Variants in SEC24B observed in about 807,000 individuals in gnomAD.
The protein encoded by SEC24B is protein transport protein Sec24B.
Under a neutral mutation model 142.8 loss-of-function variants are expected in SEC24B, and 45 were observed. The observed-to-expected ratio is 0.32, with a 90% CI of 0.25 to 0.40. The LOEUF is 0.40. Among genes scored for constraint, SEC24B ranks in the 10% least tolerant of loss-of-function variants. The pLI is 1.00. For missense variants in SEC24B, 1,409 were observed against 1,526.8 expected (o/e 0.92, Z 1.29); for synonymous variants, 574 against 568.2 (o/e 1.01, Z -0.15).
intron 2 of SEC24B, among the ~76,000 whole-genome samples, chr4:109,468,067 G>A (rs947481949): frequency 1.3e-5 from 2 of 152,114 alleles, no homozygotes; most frequent in Admixed American, 6.6e-5. Flanking sequence ...AAAAGCAAAA[G>A]CAAATACCTT....
intron 18 of SEC24B, among the ~76,000 whole-genome samples, chr4:109,528,023 A>G (rs1013574529): frequency 5.3e-5 from 8 of 152,314 alleles, no homozygotes; most frequent in Admixed American, 5.2e-4. Flanking sequence ...TGCAGCAATA[A>G]AAAGGAATGA....
intron 5 of SEC24B, 119 bp from the exon 6 acceptor site, chr4:109,494,496 A>G (rs1051708616): frequency 2.3e-6 from 3 of 1,314,434 alleles, no homozygotes; most frequent in African/African-American, 1.5e-5. Flanking sequence ...AAAATTTCTT[A>G]GAATAAAAAG....
At chr4:109,521,835 G>A (rs978321080) in intron 14 of SEC24B, among the ~76,000 whole-genome samples, 1 of 151,228 alleles carries the variant, frequency 6.6e-6, no homozygotes, top group African/African-American at 2.4e-5. Flanking sequence ...AGGTTCAAGC[G>A]ATTCTCCTGC....
intron 10 of SEC24B, 105 bp from the exon 11 acceptor site, chr4:109,516,423 A>AT (rs1378056673): frequency 2.4e-5 from 15 of 637,738 alleles, no homozygotes; most frequent in Non-Finnish European, 3.7e-5. Flanking sequence ...CTATTTGTGT[A>AT]TTTTTTGTGT....
chr4:109,527,678 A>G (rs958203197), intron 18 of SEC24B, among the ~76,000 whole-genome samples: 1 of 152,042 alleles, frequency 6.6e-6, no homozygotes, highest in African/African-American at 2.4e-5. Flanking sequence ...AGACTGAGAC[A>G]GGAGAATTGC....
At chr4:109,464,220 C>T (rs1438584663) in intron 2 of SEC24B, among the ~76,000 whole-genome samples, 2 of 151,902 alleles carry the variant, frequency 1.3e-5, no homozygotes, top group African/African-American at 4.8e-5. Flanking sequence ...GTATTCAGCC[C>T]TTCTGACCTT....
At chr4:109,490,303 T>G (rs1734885678) in intron 4 of SEC24B, among the ~76,000 whole-genome samples, 1 of 151,958 alleles carries the variant, frequency 6.6e-6, no homozygotes, top group Admixed American at 6.6e-5. Flanking sequence ...ATGCCCTGAG[T>G]CGGTATACCT....
chr4:109,464,883 G>T (rs920236543), intron 2 of SEC24B, among the ~76,000 whole-genome samples: 1 of 152,156 alleles, frequency 6.6e-6, no homozygotes, highest in Non-Finnish European at 1.5e-5. Flanking sequence ...CAAAAAGGGG[G>T]TATTTTCCTC....
chr4:109,526,114 C>T, intron 16 of SEC24B, 112 bp from the exon 17 acceptor site: 1 of 1,000,456 alleles, frequency 1.0e-6, no homozygotes, highest in Non-Finnish European at 1.5e-6. Flanking sequence ...CTTGACTCCC[C>T]AGTTATCCTT....
At chr4:109,447,225 G>C (rs1729561703) in intron 1 of SEC24B, among the ~76,000 whole-genome samples, 1 of 152,106 alleles carries the variant, frequency 6.6e-6, no homozygotes, top group Non-Finnish European at 1.5e-5. Context: ...AATTTAGCAT[G>C]ATAAGGATGT....
intron 1 of SEC24B, among the ~76,000 whole-genome samples, chr4:109,448,105 A>G (rs1018224387): frequency 6.6e-6 from 1 of 152,232 alleles, no homozygotes; most frequent in African/African-American, 2.4e-5. Flanking sequence ...TGGGTAATCA[A>G]GAATCTATTT....
intron 6 of SEC24B, among the ~76,000 whole-genome samples, chr4:109,498,602 T>C (rs1160320618): frequency 6.6e-6 from 1 of 152,094 alleles, no homozygotes; most frequent in Non-Finnish European, 1.5e-5. Flanking sequence ...CTGACCTCGT[T>C]ATCTGCCCGC....
chr4:109,437,433 A>G (rs534568190), intron 1 of SEC24B, among the ~76,000 whole-genome samples: 1 of 152,068 alleles, frequency 6.6e-6, no homozygotes, highest in African/African-American at 2.4e-5. Context: ...ATAGGCATGC[A>G]CTACCACTCC....
At chr4:109,496,119 T>A (rs1470035218) in intron 6 of SEC24B, among the ~76,000 whole-genome samples, 1 of 151,926 alleles carries the variant, frequency 6.6e-6, no homozygotes, top group East Asian at 1.9e-4. Flanking sequence ...GGAAACAATT[T>A]TTTTTTTTTT....
At chr4:109,460,406 T>C (rs1298732254) in intron 1 of SEC24B, among the ~76,000 whole-genome samples, 3 of 152,194 alleles carry the variant, frequency 2.0e-5, no homozygotes, top group African/African-American at 4.8e-5. Context: ...ATTTGAGATA[T>C]GGCACAGATA....
intron 1 of SEC24B, among the ~76,000 whole-genome samples, chr4:109,451,661 G>A (rs1160255224): frequency 1.3e-5 from 2 of 152,094 alleles, no homozygotes; most frequent in African/African-American, 4.8e-5. Flanking sequence ...AAGGGACTCT[G>A]GTTTCTTTTA....
intron 1 of SEC24B, among the ~76,000 whole-genome samples, chr4:109,456,638 T>C (rs1217136752): frequency 6.6e-6 from 1 of 152,208 alleles, no homozygotes; most frequent in Non-Finnish European, 1.5e-5. Flanking sequence ...GCATTTTCTG[T>C]ATCTATTGAT....
intron 1 of SEC24B, among the ~76,000 whole-genome samples, chr4:109,445,329 C>T (rs1278127221): frequency 1.7e-4 from 25 of 146,318 alleles, no homozygotes; most frequent in African/African-American, 4.1e-4. Context: ...CTGCAAGCTC[C>T]GCCTCCCAGC....
At chr4:109,489,591 A>G (rs1455381041) in intron 4 of SEC24B, among the ~76,000 whole-genome samples, 2 of 147,524 alleles carry the variant, frequency 1.4e-5, no homozygotes, top group South Asian at 2.1e-4. Flanking sequence ...TGGGTCTTTC[A>G]TATAAATAGA....
Sources: gnomAD v4.1 joint callset for allele counts (sites outside exome capture counted in the v4.1 genomes callset) on GRCh38, gnomAD v4.1.1 for gene constraint, MANE v1.5 for transcripts, NCBI Gene and HGNC (gene_info 2026-07-23, HGNC 2026-07-21) for gene names.